The following WWTR1 variants were observed in gnomAD, a reference collection of about 807,000 sequenced individuals.
WWTR1 encodes WW domain-containing transcription regulator protein 1.
WWTR1 carries 13 observed loss-of-function variants against 40.1 expected under a neutral mutation model. The ratio of observed to expected loss-of-function variants is 0.32; its 90% confidence interval spans 0.21 to 0.52. The LOEUF is 0.52. Among genes scored for constraint, WWTR1 ranks in the 20% least tolerant of loss-of-function variants. The probability of loss-of-function intolerance (pLI) is 0.97; values close to 1 mark genes in which losing one functional copy is unlikely to be tolerated. For synonymous variants in WWTR1, 230 were observed against 210.1 expected, an observed-to-expected ratio of 1.09 and a Z score of -0.82; for missense variants, 436 against 523.1, an observed-to-expected ratio of 0.83 and a Z score of 1.63.
intron 6 of WWTR1, among the ~76,000 whole-genome samples, chr3:149,522,904 A>T (rs1218721441): frequency 1.3e-5 from 2 of 151,266 alleles, no homozygotes; most frequent in African/African-American, 2.4e-5. Flanking sequence ...AAACAAAAAA[A>T]CCCCAAAAAA....
chr3:149,557,550 A>T (rs1269254152), intron 3 of WWTR1, among the ~76,000 whole-genome samples: 1 of 152,106 alleles, frequency 6.6e-6, no homozygotes, highest in African/African-American at 2.4e-5. Flanking sequence ...AGAGCATATT[A>T]TCTTCTTTAC....
intron 3 of WWTR1, among the ~76,000 whole-genome samples, chr3:149,567,940 A>G (rs550362367): frequency 6.6e-6 from 1 of 152,324 alleles, no homozygotes; most frequent in African/African-American, 2.4e-5. Flanking sequence ...GATCTGCAGC[A>G]GGCTTCATTT....
At chr3:149,634,942 A>G (rs1711736099) in intron 2 of WWTR1, among the ~76,000 whole-genome samples, 1 of 152,214 alleles carries the variant, frequency 6.6e-6, no homozygotes, top group African/African-American at 2.4e-5. Flanking sequence ...TGAATTGACA[A>G]TGCTAGCCAA....
intron 6 of WWTR1, among the ~76,000 whole-genome samples, chr3:149,523,147 G>T (rs1026088284): frequency 6.6e-6 from 1 of 151,738 alleles, no homozygotes; most frequent in African/African-American, 2.4e-5. Flanking sequence ...CTTCATTAAA[G>T]TTAACAATCT....
intron 2 of WWTR1, among the ~76,000 whole-genome samples, chr3:149,596,733 T>C (rs1006421820): frequency 1.3e-5 from 2 of 152,246 alleles, no homozygotes; most frequent in Admixed American, 1.3e-4. Context: ...GAAGGTAAGA[T>C]CTGCCGCTTA....
At chr3:149,534,257 C>T (rs1735724041) in intron 4 of WWTR1, among the ~76,000 whole-genome samples, 1 of 152,166 alleles carries the variant, frequency 6.6e-6, no homozygotes, top group African/African-American at 2.4e-5. Context: ...CTCCATTTTA[C>T]AGATGAGGAA....
rs974100079 is a variant in WWTR1, at chr3:149,520,343, T to C, written c.*462A>G. 2 of 152,834 alleles carry C rather than the reference T, an allele frequency of 1.3e-5. No individual in the cohort carries two copies. Among genetic ancestry groups the C allele is most frequent in the Admixed American group, 6.5e-5 (1 of 15,308 alleles). 9.5% of individuals were successfully genotyped at this position (152,834 alleles called of 1,614,324 possible). A position where few individuals can be genotyped will look rare whatever the true frequency, so the allele number is the denominator to read the frequency against. ...AAATAGTTTTTAAAGCATTTGGTACTACTGTCATCAATACAGTTTTTGAAA... is the reference window on the plus strand; with the variant it reads ...AAATAGTTTTTAAAGCATTTGGTACCACTGTCATCAATACAGTTTTTGAAA... On this transcript the variant is annotated 3_prime_UTR_variant, in exon 7 of 7. Coordinates refer to ENST00000360632, the MANE Select transcript of WWTR1 (RefSeq NM_015472.6).
chr3:149,585,455 G>T (rs1268198002), intron 2 of WWTR1, among the ~76,000 whole-genome samples: 6 of 152,102 alleles, frequency 3.9e-5, no homozygotes, highest in Admixed American at 3.9e-4. Context: ...ATTTCATATA[G>T]TCGAGTAGTT....
intron 2 of WWTR1, among the ~76,000 whole-genome samples, chr3:149,590,764 A>G (rs1046780148): frequency 1.2e-4 from 19 of 152,176 alleles, no homozygotes; most frequent in African/African-American, 4.6e-4. Flanking sequence ...GGCTTTTTCC[A>G]TGATACAATA....
chr3:149,571,042 T>C (rs1365808421), intron 3 of WWTR1, among the ~76,000 whole-genome samples: 1 of 152,122 alleles, frequency 6.6e-6, no homozygotes, highest in Non-Finnish European at 1.5e-5. Context: ...TCTATATGTA[T>C]GGACAGGCAG....
In WWTR1 at chr3:149,627,700, T is replaced by C. The variant is rs555957225; in HGVS notation, c.431+29176A>G. 3.1e-3 allele frequency among the ~76,000 whole-genome samples: 469 copies of C among 152,320 alleles called. 1 individual carries two copies. The highest frequency in any genetic ancestry group is 3.4e-3 in the Non-Finnish European group (234 of 68,032). ...ACTCTCCAGGGTGGGTCTCCTTCCCTTCTCCTTATATTTGTAGCCTGAGAG... is the reference window on the plus strand; with the variant it reads ...ACTCTCCAGGGTGGGTCTCCTTCCCCTCTCCTTATATTTGTAGCCTGAGAG... On this transcript the variant is annotated intron_variant, in intron 2 of 6. Transcript: ENST00000360632.
intron 3 of WWTR1, among the ~76,000 whole-genome samples, chr3:149,561,808 T>G (rs16861999): frequency 0.095 from 14,403 of 152,208 alleles, 979 homozygotes; most frequent in African/African-American, 0.18. Context: ...AGCATGCATG[T>G]GTATGTAGAG....
intron 2 of WWTR1, among the ~76,000 whole-genome samples, chr3:149,584,488 A>G (rs531902883): frequency 6.6e-6 from 1 of 152,286 alleles, no homozygotes; most frequent in South Asian, 2.1e-4. Flanking sequence ...ATCTCAAGAG[A>G]GACTAGAGGT....
intron 4 of WWTR1, among the ~76,000 whole-genome samples, chr3:149,533,883 G>C (rs1483192136): frequency 6.6e-6 from 1 of 151,890 alleles, no homozygotes; most frequent in Admixed American, 6.6e-5. Context: ...AGTGTTAAAT[G>C]GTGTGGGAGG....
chr3:149,699,833 C>T (rs772140137), intron 1 of WWTR1, among the ~76,000 whole-genome samples: 3 of 152,208 alleles, frequency 2.0e-5, no homozygotes, highest in Non-Finnish European at 4.4e-5. Context: ...CTGTCTTCTT[C>T]TGAGCCCTCC....
chr3:149,578,841 T>C (rs1738013718), intron 2 of WWTR1, among the ~76,000 whole-genome samples: 1 of 151,988 alleles, frequency 6.6e-6, no homozygotes, highest in African/African-American at 2.4e-5. Flanking sequence ...GAGAGCGCCA[T>C]TATTGCACTC....
At chr3:149,660,635 G>A (rs138526204), upstream of WWTR1, among the ~76,000 whole-genome samples, 297 of 152,318 alleles carry the variant, frequency 1.9e-3, no homozygotes, top group African/African-American at 6.9e-3. Context: ...GCAGCACAGT[G>A]GATAAGTGTA....
At chr3:149,559,231 T>G (rs889935209) in intron 3 of WWTR1, among the ~76,000 whole-genome samples, 1 of 137,348 alleles carries the variant, frequency 7.3e-6, no homozygotes, top group East Asian at 2.1e-4. Flanking sequence ...GAGATGGAGG[T>G]TTCAATGAGA....
rs545468089 is a variant in WWTR1 at position 149,677,029 on chromosome 3, G to C, written c.-107-7138C>G. ...CCTCCCAGGTTCAAGCAATTCTCCTGCCTCAGCCTCTGGAGTAGCTGGCAT... is the reference window on the plus strand; with the variant it reads ...CCTCCCAGGTTCAAGCAATTCTCCTCCCTCAGCCTCTGGAGTAGCTGGCAT... On this transcript the variant is annotated intron_variant, in intron 1 of 7. Coordinates refer to the WWTR1 transcript ENST00000465804. Among the ~76,000 whole-genome samples the C allele has an allele frequency of 1.5e-3, 235 of 151,742 alleles. 1 individual carries two copies. The highest frequency in any genetic ancestry group is 5.5e-3 in the African/African-American group (229 of 41,374).
Sources: allele counts gnomAD v4.1 joint callset (sites outside exome capture counted in the v4.1 genomes callset), GRCh38; gene constraint gnomAD v4.1.1; transcripts MANE v1.5; gene names NCBI Gene and HGNC (gene_info 2026-07-23, HGNC 2026-07-21).